The following STAU2 variants were observed in gnomAD, a reference collection of about 807,000 sequenced individuals.
The protein encoded by STAU2 is double-stranded RNA-binding protein Staufen homolog 2.
In STAU2, 20 loss-of-function variants were observed where a neutral mutation model predicts 65.9. The observed-to-expected ratio is 0.30, with a 90% CI of 0.21 to 0.44. The LOEUF (loss-of-function observed/expected upper bound fraction) is 0.44, where lower values mean the gene tolerates loss of function less well. Among genes scored for constraint, STAU2 ranks in the 20% least tolerant of loss-of-function variants. The pLI is 1.00. For missense variants in STAU2, 558 were observed against 683.9 expected, an observed-to-expected ratio of 0.82 and a Z score of 2.05; for synonymous variants, 232 against 233.9, an observed-to-expected ratio of 0.99 and a Z score of 0.07.
At chr8:73,688,441 C>T (rs1218362968) in intron 5 of STAU2, among the ~76,000 whole-genome samples, 2 of 151,868 alleles carry the variant, frequency 1.3e-5, no homozygotes, top group Admixed American at 1.3e-4. Flanking sequence ...GCTGGGATTA[C>T]AGGCGTGAGC....
chr8:73,430,279 G>A (rs1817163657), intron 13 of STAU2, among the ~76,000 whole-genome samples: 1 of 152,200 alleles, frequency 6.6e-6, no homozygotes, highest in Admixed American at 6.5e-5. Flanking sequence ...AAAATCAAGG[G>A]TGAAGGGTTT....
chr8:73,726,187 C>T (rs1049153093), intron 3 of STAU2, among the ~76,000 whole-genome samples: 2 of 152,026 alleles, frequency 1.3e-5, no homozygotes, highest in Non-Finnish European at 2.9e-5. Flanking sequence ...GAATGGAAAA[C>T]CAAACGTCAT....
intron 11 of STAU2, among the ~76,000 whole-genome samples, chr8:73,588,557 C>T (rs536244052): frequency 2.5e-4 from 38 of 151,770 alleles, no homozygotes; most frequent in African/African-American, 9.2e-4. Context: ...GGCCATTCTC[C>T]AATACAAAAC....
Position 73,595,198 on chromosome 8 carries a change from C to T in STAU2, c.1129G>A (p.Ala377Thr). The T allele has an allele frequency of 6.2e-7, 1 of 1,609,932 alleles. No individual in the cohort carries two copies. The highest frequency in any genetic ancestry group is 1.1e-5 in the South Asian group (1 of 90,312). Residue 377 changes from alanine (A) to threonine (T), a missense_variant, in exon 11 of 15, where the codon GCA becomes ACA. Transcript: ENST00000524300. ...AGTTGATCCTGAAGATTAGTGGATG[C>T]TTTATAACCAAGTTGTAACAGCATT... Reference protein sequence around the residue: ...EAMLLQLGYKASTNLQDQLEK... With the variant: ...EAMLLQLGYKTSTNLQDQLEK...
At chr8:73,698,923 T>TAAAAA (rs34819729) in intron 4 of STAU2, among the ~76,000 whole-genome samples, 1 of 129,102 alleles carries the variant, frequency 7.7e-6, no homozygotes, top group Non-Finnish European at 1.6e-5. Context: ...CTTAAAACAT[T>TAAAAA]AAAAAAAAAA....
chr8:73,574,797 A>G (rs1490724291), intron 12 of STAU2, among the ~76,000 whole-genome samples: 1 of 152,068 alleles, frequency 6.6e-6, no homozygotes, highest in Non-Finnish European at 1.5e-5. Context: ...TAGGAGATAT[A>G]CCTAATGTAA....
intron 12 of STAU2, among the ~76,000 whole-genome samples, chr8:73,560,063 AT>A (rs1384207310): frequency 2.0e-5 from 3 of 149,756 alleles, no homozygotes; most frequent in African/African-American, 7.4e-5. Context: ...AAAAAGAGTC[AT>A]TACTGAACAG....
chr8:73,456,501 T>A (rs933353384), intron 13 of STAU2, among the ~76,000 whole-genome samples: 2 of 151,282 alleles, frequency 1.3e-5, no homozygotes, highest in Admixed American at 1.3e-4. Flanking sequence ...AAATTGGAAA[T>A]GTGGACATGA....
At position 73,613,860 on chromosome 8, in the gene STAU2, G is replaced by GT; in HGVS notation, c.774dup (p.Leu259ThrfsTer15). The GT allele has an allele frequency of 1.2e-6, 2 of 1,613,672 alleles. No homozygotes were observed. The highest frequency in any genetic ancestry group is 1.7e-6 in the Non-Finnish European group (2 of 1,179,856). ...GTGGTCGCAGCGCGCTTCTTGGAGA[G>GT]TTTTTTGCTATTTCCTTCTCCTTCT... is the stretch of plus-strand genomic sequence containing the variant. On this transcript the variant is annotated frameshift_variant, in exon 9 of 15. Transcript: ENST00000524300. LOFTEE classifies it high-confidence loss of function.
intron 10 of STAU2, among the ~76,000 whole-genome samples, chr8:73,596,238 C>T (rs906149283): frequency 7.2e-5 from 11 of 152,048 alleles, no homozygotes; most frequent in African/African-American, 2.7e-4. Context: ...ATCAGTAAAG[C>T]CGGGGTAATA....
intron 9 of STAU2, among the ~76,000 whole-genome samples, chr8:73,607,589 T>C (rs1187063875): frequency 1.3e-5 from 2 of 151,552 alleles, no homozygotes; most frequent in Non-Finnish European, 2.9e-5. Context: ...TACAAAAAAT[T>C]AGCCGGGCAT....
At chr8:73,515,172 T>C (rs1021375608) in intron 13 of STAU2, among the ~76,000 whole-genome samples, 1 of 151,840 alleles carries the variant, frequency 6.6e-6, no homozygotes, top group Non-Finnish European at 1.5e-5. Flanking sequence ...GAAAACAGAG[T>C]CCTGAAAACT....
chr8:73,583,757 A>C (rs1403808739), intron 11 of STAU2, among the ~76,000 whole-genome samples: 1 of 152,256 alleles, frequency 6.6e-6, no homozygotes, highest in East Asian at 1.9e-4. Flanking sequence ...CCTAACTTTA[A>C]GCAAAACATG....
chr8:73,631,435 A>T (rs1814083138), intron 6 of STAU2, among the ~76,000 whole-genome samples: 1 of 152,118 alleles, frequency 6.6e-6, no homozygotes, highest in South Asian at 2.1e-4. Flanking sequence ...AACACCAAGC[A>T]GTGTGCAGAA....
chr8:73,736,926 G>A (rs1289244531), intron 3 of STAU2, among the ~76,000 whole-genome samples: 2 of 152,188 alleles, frequency 1.3e-5, no homozygotes, highest in African/African-American at 2.4e-5. Flanking sequence ...GTGCAGTGGT[G>A]TGATCTCAGC....
intron 12 of STAU2, among the ~76,000 whole-genome samples, chr8:73,570,861 G>A (rs911755837): frequency 2.0e-4 from 31 of 152,180 alleles, no homozygotes; most frequent in Non-Finnish European, 4.0e-4. Flanking sequence ...AGCTTCATAA[G>A]TGAAGGAGAA....
At chr8:73,611,399 C>T (rs1461070448) in intron 9 of STAU2, among the ~76,000 whole-genome samples, 1 of 151,906 alleles carries the variant, frequency 6.6e-6, no homozygotes, top group African/African-American at 2.4e-5. Context: ...TAGGAGAGGA[C>T]CAGAGGAGTT....
chr8:73,714,726 A>T (rs1401914729), intron 3 of STAU2, among the ~76,000 whole-genome samples: 3 of 152,192 alleles, frequency 2.0e-5, no homozygotes, highest in Non-Finnish European at 4.4e-5. Flanking sequence ...AACATACCAC[A>T]TATGACACTA....
At chr8:73,518,494 C>T (rs924971167) in intron 13 of STAU2, among the ~76,000 whole-genome samples, 2 of 152,108 alleles carry the variant, frequency 1.3e-5, no homozygotes, top group Non-Finnish European at 2.9e-5. Flanking sequence ...TGGCCATAGG[C>T]AATACCAAAA....
Sources: allele counts gnomAD v4.1 joint callset (sites outside exome capture counted in the v4.1 genomes callset), GRCh38; gene constraint gnomAD v4.1.1; transcripts MANE v1.5; gene names NCBI Gene and HGNC (gene_info 2026-07-23, HGNC 2026-07-21).